The following CLCN7 variants were observed in gnomAD, a reference collection of about 807,000 sequenced individuals.
CLCN7 encodes the protein Cl-/H+ antiporter 7, also known as H(+)/Cl(-) exchange transporter 7.
CLCN7 carries 60 observed loss-of-function variants against 102.1 expected under a neutral mutation model. The observed-to-expected ratio is 0.59, with a 90% CI of 0.48 to 0.73. CLCN7 has a LOEUF of 0.73. Among genes scored for constraint, CLCN7 ranks in the 30% least tolerant of loss-of-function variants. CLCN7 has a pLI of 0.00. For synonymous variants in CLCN7, 560 were observed against 490.5 expected (o/e 1.14, Z -1.87); for missense variants, 962 against 1,125.7 (o/e 0.85, Z 2.08).
At chr16:1,461,772 CCAAGGA>C (rs999384727) in intron 2 of CLCN7, 98 bp from the exon 3 acceptor site, 16 of 1,018,322 alleles carry the variant, frequency 1.6e-5, no homozygotes, top group Non-Finnish European at 2.4e-5. Flanking sequence ...CATCCCGACA[CCAAGGA>C]CAAGGACACA....
intron 6 of CLCN7, 121 bp from the exon 7 acceptor site, chr16:1,459,308 G>GTA: frequency 1.3e-6 from 1 of 783,206 alleles, no homozygotes; most frequent in South Asian, 1.6e-5. Flanking sequence ...TCAGGGAAGG[G>GTA]GAGCTCAGCA....
In CLCN7 at chr16:1,450,561, A is replaced by T. The variant is rs1437801106; in HGVS notation, c.1553T>A (p.Leu518Gln). 3 of 1,612,132 alleles carry T rather than the reference A, an allele frequency of 1.9e-6. No individual in the cohort carries two copies. Among genetic ancestry groups the T allele is most frequent in the Non-Finnish European group, 2.5e-6 (3 of 1,179,676 alleles). The change falls in exon 17 of 25, where the codon CTG (leucine) becomes CAG (glutamine). Residue 518 changes from leucine to glutamine, a missense_variant. By Grantham distance (113) the Leu-to-Gln change is moderately radical (BLOSUM62 -2). Coordinates refer to ENST00000382745, the MANE Select transcript of CLCN7 (RefSeq NM_001287.6). ...TVSAGVFIPS[L>Q]LIGAAWGRLF... ...CCGGCCCCAGGCAGCCCCGATGAGC[A>T]GGGACGGGATGAAGACCCCGGCAGA...
intron 1 of CLCN7, among the ~76,000 whole-genome samples, chr16:1,472,123 C>A (rs2039086914): frequency 6.6e-6 from 1 of 152,268 alleles, no homozygotes; most frequent in Non-Finnish European, 1.5e-5. Flanking sequence ...GCGTCCCAGG[C>A]AGCCACAGAG....
At chr16:1,471,894 T>A (rs2039083429) in intron 1 of CLCN7, 1 of 152,318 alleles carries the variant, frequency 6.6e-6, no homozygotes, top group Admixed American at 6.5e-5. Flanking sequence ...ATGAGCCAAA[T>A]TCAAAGCCTG....
chr16:1,447,841 G>A (rs2038678484), intron 21 of CLCN7, 127 bp from the exon 22 acceptor site: 7 of 1,028,200 alleles, frequency 6.8e-6, no homozygotes, highest in African/African-American at 1.6e-5. Context: ...CCCCGTGTCG[G>A]TGGCTACCTG....
At chr16:1,465,591 C>T (rs2038994320) in intron 1 of CLCN7, among the ~76,000 whole-genome samples, 1 of 152,214 alleles carries the variant, frequency 6.6e-6, no homozygotes. Flanking sequence ...GCGCAAGCTC[C>T]CTGCTCTAGA....
rs768808232 is a variant in CLCN7, at chr16:1,450,700, G to A, written c.1448-34C>T. ...GAAGAGGGGCTGACGGGGCCTCCAC[G>A]ACTCCCGCCTCCGCAGGACTGCCCT... On this transcript the variant is annotated intron_variant, in intron 16 of 24. Coordinates refer to ENST00000382745, the MANE Select transcript of CLCN7 (RefSeq NM_001287.6). 24 of 1,494,408 alleles carry A rather than the reference G, an allele frequency of 1.6e-5. 5 individuals carry two copies. The highest frequency in any genetic ancestry group is 7.2e-5 in the South Asian group (6 of 83,612). The allele number at this position is 1,494,408 out of a possible 1,614,324, so 92.6% of individuals were successfully genotyped here.
intron 23 of CLCN7, 90 bp from the exon 24 acceptor site, chr16:1,447,176 C>T (rs1010957385): frequency 1.6e-5 from 21 of 1,328,026 alleles, no homozygotes; most frequent in African/African-American, 5.8e-5. Context: ...CCCCCCACCA[C>T]GGCGTCCAGG....
At position 1,457,754 on chromosome 16, in the gene CLCN7, C is replaced by A. The variant is rs201175959; in HGVS notation, c.678G>T (p.Thr226=). The A allele has an allele frequency of 1.9e-6, 3 of 1,613,770 alleles. No individual in the cohort carries two copies. Among genetic ancestry groups the A allele is most frequent in the Non-Finnish European group, 2.5e-6 (3 of 1,179,998 alleles). The change falls in exon 8 of 25, where the codon ACG becomes ACT. Residue 226 remains threonine (T), a splice_region_variant and synonymous_variant. Coordinates refer to ENST00000382745, the MANE Select transcript of CLCN7 (RefSeq NM_001287.6). This position sits in a 1 kb window ranked among gnomAD's most constrained non-coding sequence, Gnocchi z 5.4. ...VKIPHVVRLK[T]LVIKVSGVIL... is the part of the protein sequence containing the mutation. ...TCACACCGGACACTTTGATCACCAA[C>A]GTCTGAAACACAGGGAGACGCATGG... is the stretch of plus-strand genomic sequence containing the variant.
rs2038893566 is a variant in CLCN7 at position 1,459,345 on chromosome 16, G to C, written c.595-158C>G. On this transcript the variant is annotated intron_variant, in intron 6 of 24. Coordinates refer to ENST00000382745, the MANE Select transcript of CLCN7 (RefSeq NM_001287.6). ...ACAAACGTCGGGGCCCCAGGGAAGG[G>C]AAGAGCAGCACACACGTCAGGGCCC... is the stretch of plus-strand genomic sequence containing the variant. 5 of 597,782 alleles carry C rather than the reference G, an allele frequency of 8.4e-6. No individual in the cohort carries two copies. In the South Asian group the frequency reaches 9.6e-5, roughly 12 times the overall value. The allele number at this position is 597,782 out of a possible 1,614,324, so 37.0% of individuals were successfully genotyped here. A position where few individuals can be genotyped will look rare whatever the true frequency, so the allele number is the denominator to read the frequency against.
chr16:1,465,420 T>C (rs1456696228), intron 1 of CLCN7, 82 bp from the exon 2 acceptor site: 9 of 1,253,288 alleles, frequency 7.2e-6, no homozygotes, highest in Non-Finnish European at 1.0e-5. Context: ...CGCCGCACCC[T>C]GGCCTCGCCT....
intron 20 of CLCN7, 88 bp downstream of exon 20, chr16:1,448,593 C>G: frequency 1.2e-6 from 2 of 1,600,480 alleles, no homozygotes; most frequent in South Asian, 1.1e-5. Flanking sequence ...GCGGGGCTGC[C>G]TGGAGCCCGC....
At chr16:1,450,103 G>A (rs2038720762) in intron 17 of CLCN7, 2 of 254,370 alleles carry the variant, frequency 7.9e-6, no homozygotes, top group Non-Finnish European at 1.5e-5. Flanking sequence ...CGGGGGCTGA[G>A]GTCTGGAGGG....
rs566679193 is a variant in CLCN7 at position 1,464,798 on chromosome 16, G to C, written c.213+469C>G. 2.0e-3 allele frequency among the ~76,000 whole-genome samples: 306 copies of C among 152,340 alleles called. 1 individual carries two copies. The highest frequency in any genetic ancestry group is 3.7e-3 in the Non-Finnish European group (255 of 68,024). ...GGACTCCCGGCCTCACCAGCGGCTG[G>C]GGGAAAAACCGAGGCCGGCGGGAGA... On this transcript the variant is annotated intron_variant, in intron 2 of 24. Transcript: ENST00000382745.
chr16:1,454,265 C>T, intron 13 of CLCN7, 146 bp downstream of exon 13: 1 of 781,084 alleles, frequency 1.3e-6, no homozygotes, highest in East Asian at 2.6e-5. Flanking sequence ...CGTGTACTGC[C>T]CATGGAAGAA....
At chr16:1,472,020 C>G (rs1230387657) in intron 1 of CLCN7, 1 of 152,414 alleles carries the variant, frequency 6.6e-6, no homozygotes, top group Non-Finnish European at 1.5e-5. Context: ...CAAGCCCAAG[C>G]CTTGTGACTG....
At chr16:1,450,437 G>A (rs1024081395) in intron 17 of CLCN7, 60 bp downstream of exon 17, 12 of 1,500,626 alleles carry the variant, frequency 8.0e-6, no homozygotes, top group East Asian at 4.8e-5. Context: ...TCCGGCCCGC[G>A]ATGCCGCAAG....
At chr16:1,454,578 C>A in intron 12 of CLCN7, 113 bp from the exon 13 acceptor site, 1 of 1,042,590 alleles carries the variant, frequency 9.6e-7, no homozygotes, top group Non-Finnish European at 1.5e-6. Flanking sequence ...GAGAGCCTTC[C>A]CGCCCTTCCA....
intron 1 of CLCN7, among the ~76,000 whole-genome samples, chr16:1,472,886 C>G (rs1414508248): frequency 6.7e-6 from 1 of 149,650 alleles, no homozygotes; most frequent in East Asian, 1.9e-4. Flanking sequence ...CCTCAGCCTC[C>G]CGAGCCAGTA....
Sources: allele counts gnomAD v4.1 joint callset (sites outside exome capture counted in the v4.1 genomes callset), GRCh38; gene constraint gnomAD v4.1.1; non-coding constraint Gnocchi (gnomAD v3.1); transcripts MANE v1.5; gene names NCBI Gene and HGNC (gene_info 2026-07-23, HGNC 2026-07-21).